Variants in LIMCH1 observed in about 807,000 individuals in gnomAD.
LIMCH1 encodes the protein LIM and calponin homology domains-containing protein 1.
LIMCH1 carries 113 observed loss-of-function variants against 176.5 expected under a neutral mutation model. That is an observed-to-expected ratio of 0.64 (90% CI 0.55 to 0.75). The LOEUF (loss-of-function observed/expected upper bound fraction) is 0.75. Among genes scored for constraint, LIMCH1 ranks in the 30% least tolerant of loss-of-function variants. The pLI is 0.00. For synonymous variants in LIMCH1, 619 were observed against 645.9 expected (o/e 0.96, Z 0.63); for missense variants, 1,674 against 1,814.9 (o/e 0.92, Z 1.41).
chr4:41,450,863 A>C (rs2154146576), intron 1 of LIMCH1, among the ~76,000 whole-genome samples: 1 of 151,408 alleles, frequency 6.6e-6, no homozygotes, highest in South Asian at 2.1e-4. Context: ...GTACTTACAT[A>C]CTTGAATTTG....
At chr4:41,378,336 G>T (rs937561909) in intron 1 of LIMCH1, among the ~76,000 whole-genome samples, 3 of 152,172 alleles carry the variant, frequency 2.0e-5, no homozygotes, top group Non-Finnish European at 4.4e-5. Context: ...CTATGACTGT[G>T]GGGGAAGTTA....
intron 14 of LIMCH1, 40 bp from the exon 15 acceptor site, chr4:41,644,460 T>G: frequency 6.9e-7 from 1 of 1,450,302 alleles, no homozygotes; most frequent in South Asian, 1.4e-5. Flanking sequence ...CGACGGGCGC[T>G]GATCGCGGTC....
chr4:41,551,977 A>G (rs943890155), intron 1 of LIMCH1, among the ~76,000 whole-genome samples: 1 of 152,216 alleles, frequency 6.6e-6, no homozygotes, highest in Admixed American at 6.5e-5. Flanking sequence ...TTATAAAGGA[A>G]AGAGGTTTAA....
At chr4:41,582,923 T>C (rs568596679) in intron 1 of LIMCH1, among the ~76,000 whole-genome samples, 3 of 152,320 alleles carry the variant, frequency 2.0e-5, no homozygotes, top group African/African-American at 7.2e-5. Flanking sequence ...CTTGGAACTT[T>C]ACTGAACTTT....
chr4:41,503,101 A>G (rs889178984), intron 2 of LIMCH1, among the ~76,000 whole-genome samples: 1 of 151,994 alleles, frequency 6.6e-6, no homozygotes, highest in Non-Finnish European at 1.5e-5. Flanking sequence ...AAGTTTTCCC[A>G]TATGGTGACA....
chr4:41,670,842 TG>T, intron 21 of LIMCH1: 1 of 1,532,868 alleles, frequency 6.5e-7, no homozygotes, highest in Middle Eastern at 1.7e-4. Context: ...AAATCCATGT[TG>T]GGGCGATCAA....
intron 7 of LIMCH1, among the ~76,000 whole-genome samples, chr4:41,625,029 C>A (rs2092849709): frequency 6.6e-6 from 1 of 152,168 alleles, no homozygotes; most frequent in African/African-American, 2.4e-5. Flanking sequence ...TCCTTCTTCC[C>A]AAAGCTACTC....
chr4:41,671,486 CA>C, intron 21 of LIMCH1, 67 bp from the exon 22 acceptor site: 1 of 1,362,686 alleles, frequency 7.3e-7, no homozygotes, highest in Non-Finnish European at 1.0e-6. Flanking sequence ...ACTGATAGGT[CA>C]AAAACAAAGA....
At chr4:41,658,171 T>C (rs1164579595) in intron 18 of LIMCH1, among the ~76,000 whole-genome samples, 1 of 152,136 alleles carries the variant, frequency 6.6e-6, no homozygotes. Context: ...GTTTCTTCAC[T>C]TGTATGAAGG....
At chr4:41,467,750 GATGATGT>G (rs1310818735) in intron 1 of LIMCH1, among the ~76,000 whole-genome samples, 2 of 152,188 alleles carry the variant, frequency 1.3e-5, no homozygotes, top group Non-Finnish European at 2.9e-5. Context: ...TCACACAAAA[GATGATGT>G]TCTGGGAAGG....
At chr4:41,581,255 A>G (rs2085380587) in intron 1 of LIMCH1, among the ~76,000 whole-genome samples, 1 of 152,158 alleles carries the variant, frequency 6.6e-6, no homozygotes, top group South Asian at 2.1e-4. Flanking sequence ...ATACACCGTG[A>G]AATGACCACC....
At chr4:41,679,911 C>A in intron 23 of LIMCH1, 95 bp from the exon 24 acceptor site, 1 of 696,174 alleles carries the variant, frequency 1.4e-6, no homozygotes, top group Non-Finnish European at 2.4e-6. Context: ...AGAAGATAAT[C>A]TTGCAACATA....
At chr4:41,619,123 G>A (rs181068021) in intron 5 of LIMCH1, 65 bp from the exon 6 acceptor site, 446 of 1,579,036 alleles carry the variant, frequency 2.8e-4, no homozygotes, top group Non-Finnish European at 2.9e-4. Context: ...CCTAATGCAT[G>A]CTTAACATTG....
chr4:41,394,211 A>C (rs2057560963), intron 1 of LIMCH1, among the ~76,000 whole-genome samples: 1 of 152,148 alleles, frequency 6.6e-6, no homozygotes, highest in African/African-American at 2.4e-5. Context: ...CATACCTTTC[A>C]GGGAAGATTG....
chr4:41,376,538 A>C (rs2054800974), intron 1 of LIMCH1, among the ~76,000 whole-genome samples: 1 of 152,332 alleles, frequency 6.6e-6, no homozygotes, highest in Non-Finnish European at 1.5e-5. Flanking sequence ...CTGTAGACCA[A>C]TAATTAAATC....
intron 1 of LIMCH1, among the ~76,000 whole-genome samples, chr4:41,489,943 C>G (rs768785186): frequency 6.6e-6 from 1 of 152,170 alleles, no homozygotes; most frequent in African/African-American, 2.4e-5. Flanking sequence ...ATACTGTACT[C>G]TTTTAATAAA....
chr4:41,559,914 A>G (rs921515455), intron 1 of LIMCH1, among the ~76,000 whole-genome samples: 1 of 152,098 alleles, frequency 6.6e-6, no homozygotes. Flanking sequence ...ACCACTGTCT[A>G]CATGCTAAGG....
intron 1 of LIMCH1, among the ~76,000 whole-genome samples, chr4:41,541,154 T>C (rs2078587233): frequency 6.6e-6 from 1 of 152,172 alleles, no homozygotes; most frequent in African/African-American, 2.4e-5. Flanking sequence ...AAAGCAGTAA[T>C]GTATCATCAA....
intron 30 of LIMCH1, 49 bp from the exon 31 acceptor site, chr4:41,692,233 G>T: frequency 9.1e-7 from 1 of 1,099,914 alleles, no homozygotes; most frequent in Non-Finnish European, 1.4e-6. Flanking sequence ...GCATTAGAAA[G>T]AAACAATTCC....
Sources: gnomAD v4.1 joint callset for allele counts (sites outside exome capture counted in the v4.1 genomes callset) on GRCh38, gnomAD v4.1.1 for gene constraint, MANE v1.5 for transcripts, NCBI Gene and HGNC (gene_info 2026-07-23, HGNC 2026-07-21) for gene names.